Variants in GRM8 observed in about 807,000 individuals in gnomAD.
GRM8 encodes the protein glutamate metabotropic receptor 8.
In GRM8, 47 loss-of-function variants were observed where a neutral mutation model predicts 87.2. The ratio of observed to expected loss-of-function variants is 0.54; its 90% confidence interval spans 0.43 to 0.69. GRM8 has a LOEUF of 0.69. Ranked by LOEUF, GRM8 falls within the 30% of genes least tolerant of loss-of-function variation. The probability of loss-of-function intolerance (pLI) is 0.00; values close to 1 mark genes in which losing one functional copy is unlikely to be tolerated. For synonymous variants in GRM8, 396 were observed against 404.5 expected (o/e 0.98, Z 0.25); for missense variants, 1,019 against 1,139.2 (o/e 0.89, Z 1.52).
chr7:126,591,942 AAC>A (rs1244029351), intron 8 of GRM8, among the ~76,000 whole-genome samples: 2 of 151,916 alleles, frequency 1.3e-5, no homozygotes, highest in East Asian at 3.8e-4. Flanking sequence ...ATACATCAGA[AAC>A]ACAAAAGATT....
intron 6 of GRM8, among the ~76,000 whole-genome samples, chr7:126,847,259 G>T (rs1198191375): frequency 6.6e-6 from 1 of 152,126 alleles, no homozygotes; most frequent in African/African-American, 2.4e-5. Flanking sequence ...TCCAGTTTTT[G>T]TATGTGTGTG....
chr7:126,794,170 TA>T lies in GRM8; in HGVS notation c.1157-24106del, dbSNP rs1017004843. Reference sequence around the variant, plus strand: ...TACTGAAACCACATAAAAAATAAAATAAAAAAAAAAGCCCTTAGCACTAGCA... The same window carrying T: ...TACTGAAACCACATAAAAAATAAAATAAAAAAAAAGCCCTTAGCACTAGCA... On this transcript the variant is annotated intron_variant, in intron 6 of 10. Coordinates refer to ENST00000339582, the MANE Select transcript of GRM8 (RefSeq NM_000845.3). Among the ~76,000 whole-genome samples the T allele has an allele frequency of 1.1e-3, 157 of 145,756 alleles. 3 individuals carry two copies. The East Asian group carries it at 0.013, about 12-fold the overall frequency.
At chr7:127,053,143 T>C (rs1175730133) in intron 3 of GRM8, among the ~76,000 whole-genome samples, 1 of 152,138 alleles carries the variant, frequency 6.6e-6, no homozygotes, top group East Asian at 1.9e-4. Context: ...ACTTGGTGAG[T>C]GTGATATGGT....
At chr7:126,598,317 C>T (rs376829479) in intron 8 of GRM8, among the ~76,000 whole-genome samples, 4 of 152,008 alleles carry the variant, frequency 2.6e-5, no homozygotes, top group Non-Finnish European at 5.9e-5. Context: ...TAGAAACCTG[C>T]CTCCAACTGG....
At chr7:127,029,801 G>A (rs1817180633) in intron 3 of GRM8, among the ~76,000 whole-genome samples, 1 of 152,030 alleles carries the variant, frequency 6.6e-6, no homozygotes, top group East Asian at 1.9e-4. Flanking sequence ...TTGCCAGGCT[G>A]AGAGATGGGG....
rs562881142 is a variant in GRM8, at chr7:126,714,706, G to C, written c.1357+55159C>G. 7.2e-5 allele frequency among the ~76,000 whole-genome samples: 11 copies of C among 152,224 alleles called. No individual in the cohort carries two copies. In the South Asian group the frequency reaches 2.3e-3, roughly 32 times the overall value. On this transcript the variant is annotated intron_variant, in intron 7 of 10. Transcript: ENST00000339582. ...ATACAGTTGACACTCAAACAATGCA[G>C]AAATCTGCATATAACTTTTGGCTCC...
At chr7:126,863,374 T>G (rs1798304393) in intron 6 of GRM8, among the ~76,000 whole-genome samples, 1 of 152,148 alleles carries the variant, frequency 6.6e-6, no homozygotes, top group Non-Finnish European at 1.5e-5. Flanking sequence ...TTTTCAAGTA[T>G]TTACCATGTG....
In GRM8 at chr7:126,586,590, C is replaced by A. The variant is rs549749843; in HGVS notation, c.1494+22772G>T. Among the ~76,000 whole-genome samples the A allele has an allele frequency of 2.5e-3, 382 of 152,278 alleles. 1 individual carries two copies. Among genetic ancestry groups the A allele is most frequent in the African/African-American group, 8.9e-3 (371 of 41,548 alleles). ...AAACAAGAAATGGGGAAAGGATTCC[C>A]TATTTAATAAATGGTGCTGGGAAAA... On this transcript the variant is annotated intron_variant, in intron 8 of 10. Transcript: ENST00000339582.
chr7:126,973,398 C>A (rs1810631709), intron 3 of GRM8, among the ~76,000 whole-genome samples: 1 of 152,192 alleles, frequency 6.6e-6, no homozygotes, highest in Non-Finnish European at 1.5e-5. Context: ...TACTTCATGT[C>A]TCCAAGCCTG....
chr7:126,646,053 T>C (rs1420607082), intron 7 of GRM8, among the ~76,000 whole-genome samples: 3 of 152,154 alleles, frequency 2.0e-5, no homozygotes, highest in African/African-American at 7.2e-5. Flanking sequence ...TAAGGGTCAA[T>C]CCCACTGCAC....
At chr7:126,754,972 A>G (rs941736667) in intron 7 of GRM8, among the ~76,000 whole-genome samples, 1 of 151,782 alleles carries the variant, frequency 6.6e-6, no homozygotes, top group Non-Finnish European at 1.5e-5. Flanking sequence ...AAAATCCAAC[A>G]CAAAATGGTG....
At position 126,443,802 on chromosome 7, in the gene GRM8, T is replaced by C. The variant is rs141246145; in HGVS notation, c.2677+2324A>G. Among the ~76,000 whole-genome samples, 471 of 152,096 alleles carry C rather than the reference T, an allele frequency of 3.1e-3. 5 individuals carry two copies. The highest frequency in any genetic ancestry group is 0.011 in the African/African-American group (452 of 41,522). On this transcript the variant is annotated intron_variant, in intron 10 of 10. Transcript: ENST00000339582. ...AAAATAGAGAAATACATGCAGGCTA[T>C]ATAATTTCCATTTCAACATTAATAG...
chr7:127,198,528 A>G (rs1230693500), intron 2 of GRM8, among the ~76,000 whole-genome samples: 3 of 152,170 alleles, frequency 2.0e-5, no homozygotes, highest in Non-Finnish European at 2.9e-5. Context: ...TAAGCCCTCA[A>G]TAAATGCTAG....
chr7:126,449,800 G>C (rs1378303591), intron 9 of GRM8, among the ~76,000 whole-genome samples: 1 of 151,802 alleles, frequency 6.6e-6, no homozygotes, highest in Non-Finnish European at 1.5e-5. Context: ...AATGATATTG[G>C]ATATGTCAAT....
At chr7:126,667,991 C>T (rs1805960550) in intron 7 of GRM8, among the ~76,000 whole-genome samples, 1 of 152,134 alleles carries the variant, frequency 6.6e-6, no homozygotes, top group African/African-American at 2.4e-5. Context: ...CTGAATACAC[C>T]AGCAACCTAC....
chr7:126,687,412 T>C (rs1481995910), intron 7 of GRM8, among the ~76,000 whole-genome samples: 1 of 152,200 alleles, frequency 6.6e-6, no homozygotes, highest in Non-Finnish European at 1.5e-5. Flanking sequence ...TCCATTGTTA[T>C]GGTTATCTGT....
At chr7:126,689,795 A>T (rs562265732) in intron 7 of GRM8, among the ~76,000 whole-genome samples, 67 of 152,344 alleles carry the variant, frequency 4.4e-4, no homozygotes, top group African/African-American at 1.6e-3. Context: ...GTATATAACA[A>T]ATATATAAGC....
At chr7:126,904,339 C>G (rs1455574554) in intron 4 of GRM8, among the ~76,000 whole-genome samples, 1 of 152,140 alleles carries the variant, frequency 6.6e-6, no homozygotes, top group Non-Finnish European at 1.5e-5. Context: ...TATCCTTAAC[C>G]TCATTCACAT....
Position 126,772,284 on chromosome 7 carries a change from A to G in GRM8, c.1157-2219T>C, listed in dbSNP as rs1818930594. Among the ~76,000 whole-genome samples the G allele has an allele frequency of 3.3e-5, 5 of 152,298 alleles. No individual in the cohort carries two copies. In the South Asian group the frequency reaches 1.0e-3, roughly 32 times the overall value. On this transcript the variant is annotated intron_variant, in intron 6 of 10. Transcript: ENST00000339582. Reference sequence around the variant, plus strand: ...AAGAGGCAAGTGACGAGGAAATTTCAGAGAGAAGACTGAATAACAACTTTG... The same window carrying G: ...AAGAGGCAAGTGACGAGGAAATTTCGGAGAGAAGACTGAATAACAACTTTG...
Sources: allele counts gnomAD v4.1 joint callset (sites outside exome capture counted in the v4.1 genomes callset), GRCh38; gene constraint gnomAD v4.1.1; transcripts MANE v1.5; gene names NCBI Gene and HGNC (gene_info 2026-07-23, HGNC 2026-07-21).